Variants in C12orf42 observed in about 807,000 individuals in gnomAD.
C12orf42 encodes the protein chromosome 12 open reading frame 42.
A neutral mutation model predicts 21.6 loss-of-function variants in C12orf42; 25 were observed. The observed-to-expected ratio is 1.16, with a 90% confidence interval of 0.84 to 1.62. The LOEUF is 1.62. Among genes scored for constraint, C12orf42 ranks in the 40% most tolerant of loss-of-function variants. The pLI is 0.00. For synonymous variants in C12orf42, 174 were observed against 175.0 expected, an observed-to-expected ratio of 0.99 and a Z score of 0.05; for missense variants, 483 against 459.3, an observed-to-expected ratio of 1.05 and a Z score of -0.47.
Position 103,290,271 on chromosome 12 carries a change from C to A in C12orf42, n.338-13061G>T, listed in dbSNP as rs558702494. 2.4e-4 allele frequency among the ~76,000 whole-genome samples: 37 copies of A among 152,280 alleles called. 1 individual carries two copies. In the South Asian group the frequency reaches 7.5e-3, roughly 31 times the overall value. On this transcript the variant is annotated intron_variant and non_coding_transcript_variant, in intron 4 of 6. Coordinates refer to the C12orf42 transcript ENST00000546526. ...CTAAGAGAGAAAAGGGAAACTTTAG[C>A]AAAGTCACTCAGGAACAACAGCTTA...
chr12:103,315,530 GA>G (rs1379143298), intron 4 of C12orf42, among the ~76,000 whole-genome samples: 2 of 151,690 alleles, frequency 1.3e-5, no homozygotes, highest in South Asian at 2.1e-4. Flanking sequence ...AATGGAAAGA[GA>G]AAAAAAACCC....
intron 2 of C12orf42, among the ~76,000 whole-genome samples, chr12:103,475,972 T>C (rs1954017322): frequency 6.6e-6 from 1 of 152,204 alleles, no homozygotes; most frequent in African/African-American, 2.4e-5. Context: ...ATTCCAGCCC[T>C]AGACCCTCAA....
At position 103,368,317 on chromosome 12, in the gene C12orf42, TCA is replaced by T. The variant is rs3065785; in HGVS notation, c.259+568_259+569del. On this transcript the variant is annotated intron_variant, in intron 4 of 5. Coordinates refer to ENST00000548883, the MANE Select transcript of C12orf42 (RefSeq NM_198521.5). ...TTCTCTCTCTTTCTGTCTCTCTCTC[TCA>T]CACACACACACACACACACACACAC... 3.4e-3 allele frequency among the ~76,000 whole-genome samples: 498 copies of T among 146,280 alleles called. 2 individuals are homozygous for T. Among genetic ancestry groups the T allele is most frequent in the Middle Eastern group, 7.0e-3 (2 of 286 alleles).
chr12:103,106,293 GA>G, the C12orf42 span, among the ~76,000 whole-genome samples: 333 of 151,922 alleles, frequency 2.2e-3, no homozygotes, highest in African/African-American at 7.5e-3. Context: ...GACCCTCATT[GA>G]AAAAAATTAC....
the C12orf42 span, among the ~76,000 whole-genome samples, chr12:103,540,197 G>A: frequency 0.2 from 29,707 of 151,826 alleles, 3,091 homozygotes; most frequent in South Asian, 0.3. Flanking sequence ...TAGTAGAGAC[G>A]GGGTTTCACC....
chr12:103,277,901 G>A (rs943383290), intron 4 of C12orf42, among the ~76,000 whole-genome samples: 3 of 152,172 alleles, frequency 2.0e-5, no homozygotes, highest in Non-Finnish European at 2.9e-5. Context: ...TTACAGGTGT[G>A]AGCCACTGCA....
At chr12:103,432,674 C>A (rs1464105067) in intron 2 of C12orf42, among the ~76,000 whole-genome samples, 1 of 152,154 alleles carries the variant, frequency 6.6e-6, no homozygotes, top group African/African-American at 2.4e-5. Flanking sequence ...TACTTAGAGA[C>A]AAGGGTCTTT....
chr12:103,111,454 T>C, the C12orf42 span, among the ~76,000 whole-genome samples: 1 of 152,206 alleles, frequency 6.6e-6, no homozygotes, highest in Admixed American at 6.5e-5. Context: ...ATTCGGTCAT[T>C]CATTGATTCG....
At chr12:103,437,522 A>T (rs1950829559) in intron 2 of C12orf42, among the ~76,000 whole-genome samples, 1 of 152,164 alleles carries the variant, frequency 6.6e-6, no homozygotes, top group Non-Finnish European at 1.5e-5. Context: ...GCTAATAAAG[A>T]AAAAAAGAGA....
chr12:103,254,436 G>T (rs2139557), intron 10 of C12orf42, among the ~76,000 whole-genome samples: 14,807 of 152,148 alleles, frequency 0.097, 778 homozygotes, highest in East Asian at 0.21. Context: ...GGCCTCTGAA[G>T]GCATCACATT....
chr12:103,532,759 G>T, the C12orf42 span, among the ~76,000 whole-genome samples: 4 of 152,128 alleles, frequency 2.6e-5, no homozygotes, highest in Non-Finnish European at 5.9e-5. Flanking sequence ...ATTACCATTA[G>T]TATATGTGAC....
chr12:103,276,859 C>T (rs1476688273), intron 5 of C12orf42, among the ~76,000 whole-genome samples: 7 of 152,086 alleles, frequency 4.6e-5, no homozygotes, highest in African/African-American at 1.7e-4. Context: ...TCATCATCCT[C>T]CTTCTAGAAT....
Position 103,398,473 on chromosome 12 carries a change from T to C in C12orf42, c.147+3134A>G, listed in dbSNP as rs555576155. 1.5e-4 allele frequency among the ~76,000 whole-genome samples: 23 copies of C among 152,292 alleles called. No homozygotes were observed. In the South Asian group the frequency reaches 4.8e-3, roughly 32 times the overall value. The stretch of plus-strand genomic sequence containing the variant: ...TTGTTGTTAACTTGTAACTTGTCCT[T>C]TATTTTTGTTTTAAAGCTTGGTAAA... On this transcript the variant is annotated intron_variant, in intron 3 of 5. Transcript: ENST00000548883.
In C12orf42 at chr12:103,320,736, G is replaced by GA. The variant is rs369604573; in HGVS notation, c.260-14392dup. Reference sequence around the variant, plus strand: ...GACTTTATTTCTAGTTAAGAGATTTGAAAAAAAAAATCAAGGAAAAGATTA... The same window carrying GA: ...GACTTTATTTCTAGTTAAGAGATTTGAAAAAAAAAAATCAAGGAAAAGATTA... On this transcript the variant is annotated intron_variant, in intron 4 of 5. Transcript: ENST00000548883. Among the ~76,000 whole-genome samples, 778 of 148,602 alleles carry GA rather than the reference G, an allele frequency of 5.2e-3. 5 individuals are homozygous for GA. The highest frequency in any genetic ancestry group is 7.9e-3 in the Admixed American group (118 of 14,900).
intron 2 of C12orf42, among the ~76,000 whole-genome samples, chr12:103,465,921 C>A (rs962246117): frequency 6.6e-6 from 1 of 152,156 alleles, no homozygotes; most frequent in African/African-American, 2.4e-5. Context: ...GCATGTTGAA[C>A]CAGCCTTGCA....
chr12:103,117,761 T>A, the C12orf42 span, among the ~76,000 whole-genome samples: 9 of 152,212 alleles, frequency 5.9e-5, no homozygotes, highest in African/African-American at 1.2e-4. Flanking sequence ...GTAATGTGAT[T>A]CTGGATTATT....
the C12orf42 span, among the ~76,000 whole-genome samples, chr12:103,068,394 T>A: frequency 1.3e-5 from 2 of 152,178 alleles, no homozygotes; most frequent in African/African-American, 4.8e-5. Context: ...CTGTTAGAGG[T>A]AATTATGACC....
chr12:103,326,476 T>G (rs540640674), intron 4 of C12orf42, among the ~76,000 whole-genome samples: 40 of 152,320 alleles, frequency 2.6e-4, no homozygotes, highest in African/African-American at 9.6e-4. Flanking sequence ...AATTAAGATT[T>G]ATTTTTATGG....
chr12:103,053,132 A>G, the C12orf42 span, among the ~76,000 whole-genome samples: 6 of 151,968 alleles, frequency 3.9e-5, no homozygotes, highest in Non-Finnish European at 8.8e-5. Flanking sequence ...TGCCCTTTGC[A>G]TATCCATATA....
Sources: allele counts gnomAD v4.1 joint callset (sites outside exome capture counted in the v4.1 genomes callset), GRCh38; gene constraint gnomAD v4.1.1; transcripts MANE v1.5; gene names NCBI Gene and HGNC (gene_info 2026-07-23, HGNC 2026-07-21).